Variants in CCSER1 observed in about 807,000 individuals in gnomAD.
The protein encoded by CCSER1 is coiled-coil serine rich protein 1.
Under a neutral mutation model 82.0 loss-of-function variants are expected in CCSER1, and 41 were observed. The observed-to-expected ratio is 0.50, with a 90% CI of 0.39 to 0.65. The LOEUF (loss-of-function observed/expected upper bound fraction) is 0.65. CCSER1 is among the 30% of genes least tolerant of loss of function. The probability of loss-of-function intolerance (pLI) is 0.00; values close to 1 mark genes in which losing one functional copy is unlikely to be tolerated. For missense variants in CCSER1, 1,119 were observed against 1,064.2 expected (o/e 1.05, Z -0.72); for synonymous variants, 414 against 383.9 (o/e 1.08, Z -0.92).
intron 9 of CCSER1, among the ~76,000 whole-genome samples, chr4:91,076,343 T>C (rs1362519661): frequency 1.4e-5 from 2 of 146,930 alleles, no homozygotes; most frequent in East Asian, 2.0e-4. Context: ...TTTTTTTTTT[T>C]CCACTAAATG....
chr4:91,257,814 AC>A (rs1284944775), intron 10 of CCSER1, among the ~76,000 whole-genome samples: 1 of 152,132 alleles, frequency 6.6e-6, no homozygotes, highest in Non-Finnish European at 1.5e-5. Context: ...CACATGAGCT[AC>A]AAATGTGCCA....
intron 7 of CCSER1, among the ~76,000 whole-genome samples, chr4:90,758,885 TA>T (rs1363825215): frequency 6.6e-6 from 1 of 152,210 alleles, no homozygotes; most frequent in African/African-American, 2.4e-5. Flanking sequence ...TGGTGATGGC[TA>T]AAGGGGATAA....
At chr4:91,490,930 A>C (rs1262509333) in intron 10 of CCSER1, among the ~76,000 whole-genome samples, 1 of 95,176 alleles carries the variant, frequency 1.1e-5, no homozygotes, top group Non-Finnish European at 2.1e-5. Flanking sequence ...ATATATATAA[A>C]ATATGCGTCT....
intron 5 of CCSER1, among the ~76,000 whole-genome samples, chr4:90,549,737 G>A (rs954320945): frequency 7.0e-6 from 1 of 142,350 alleles, no homozygotes; most frequent in Admixed American, 6.9e-5. Flanking sequence ...AGTAAGGGTT[G>A]GGGTACCAGG....
chr4:91,314,369 T>C (rs1388184376), intron 10 of CCSER1, among the ~76,000 whole-genome samples: 1 of 152,024 alleles, frequency 6.6e-6, no homozygotes, highest in Non-Finnish European at 1.5e-5. Flanking sequence ...TCTTCATGTA[T>C]CTAGGGAACC....
At chr4:90,599,881 C>T (rs1327101181) in intron 5 of CCSER1, among the ~76,000 whole-genome samples, 5 of 152,198 alleles carry the variant, frequency 3.3e-5, no homozygotes, top group Admixed American at 2.0e-4. Flanking sequence ...TTCATCCCTC[C>T]TGCTGTGGCT....
At chr4:91,477,705 A>G (rs915397665) in intron 10 of CCSER1, among the ~76,000 whole-genome samples, 8 of 151,816 alleles carry the variant, frequency 5.3e-5, no homozygotes, top group African/African-American at 1.4e-4. Flanking sequence ...TCCAAAGTGT[A>G]CTGAAAACTA....
chr4:90,416,971 T>C (rs147464986), intron 4 of CCSER1, among the ~76,000 whole-genome samples: 2,705 of 152,264 alleles, frequency 0.018, 48 homozygotes, highest in African/African-American at 0.036. Context: ...CACCACATGT[T>C]CTCACTTATA....
At chr4:90,687,943 C>T (rs1735119314) in intron 6 of CCSER1, among the ~76,000 whole-genome samples, 1 of 152,120 alleles carries the variant, frequency 6.6e-6, no homozygotes, top group African/African-American at 2.4e-5. Context: ...GTAGCCTGTC[C>T]TCATCCCAGT....
chr4:90,256,045 A>G (rs1723224828), intron 1 of CCSER1, among the ~76,000 whole-genome samples: 1 of 152,150 alleles, frequency 6.6e-6, no homozygotes, highest in South Asian at 2.1e-4. Flanking sequence ...ACTCTGCCAC[A>G]TTGTATCCAG....
intron 8 of CCSER1, among the ~76,000 whole-genome samples, chr4:90,906,638 A>C (rs918396176): frequency 2.6e-5 from 4 of 152,130 alleles, no homozygotes; most frequent in African/African-American, 9.7e-5. Context: ...TTTAAACCAT[A>C]GTGATTAAGT....
chr4:90,167,395 A>C (rs556042136), intron 1 of CCSER1, among the ~76,000 whole-genome samples: 1 of 152,142 alleles, frequency 6.6e-6, no homozygotes, highest in Admixed American at 6.6e-5. Context: ...ATGGCTAAAG[A>C]AAGATTATCC....
chr4:90,521,945 C>G (rs976752740), intron 5 of CCSER1, among the ~76,000 whole-genome samples: 1 of 152,086 alleles, frequency 6.6e-6, no homozygotes, highest in African/African-American at 2.4e-5. Context: ...GTTCAGTTTT[C>G]TTCATTGATC....
intron 1 of CCSER1, among the ~76,000 whole-genome samples, chr4:90,210,257 G>T (rs1237619572): frequency 6.6e-6 from 1 of 152,026 alleles, no homozygotes; most frequent in African/African-American, 2.4e-5. Context: ...CTGTTTAAAA[G>T]AATCAATGAT....
chr4:91,453,318 C>A (rs911063916), intron 10 of CCSER1, among the ~76,000 whole-genome samples: 6 of 151,972 alleles, frequency 3.9e-5, no homozygotes, highest in Non-Finnish European at 8.8e-5. Flanking sequence ...GAGAAAGTCA[C>A]CATGTTCATT....
At chr4:90,621,808 G>A (rs928214237) in intron 5 of CCSER1, among the ~76,000 whole-genome samples, 2 of 152,136 alleles carry the variant, frequency 1.3e-5, no homozygotes, top group Non-Finnish European at 2.9e-5. Flanking sequence ...CCTTTTTAAA[G>A]TTTGGAACTC....
intron 3 of CCSER1, among the ~76,000 whole-genome samples, chr4:90,376,864 A>G (rs922952576): frequency 6.6e-6 from 1 of 152,250 alleles, no homozygotes; most frequent in Non-Finnish European, 1.5e-5. Flanking sequence ...ATTTTTAAGG[A>G]TATTTGTACA....
chr4:90,527,145 A>G lies in CCSER1; in HGVS notation c.1724+58791A>G, dbSNP rs531784795. Reference sequence around the variant, plus strand: ...CTTCTGCACAGCAAAAGAAACTATCATCAGAGTGAGCAGGCAACCTACAGA... The same window carrying G: ...CTTCTGCACAGCAAAAGAAACTATCGTCAGAGTGAGCAGGCAACCTACAGA... On this transcript the variant is annotated intron_variant, in intron 5 of 10. Coordinates refer to ENST00000509176, the MANE Select transcript of CCSER1 (RefSeq NM_001145065.2). Among the ~76,000 whole-genome samples, 10 of 152,348 alleles carry G rather than the reference A, an allele frequency of 6.6e-5. No homozygotes were observed. The South Asian group carries it at 8.3e-4, about 13-fold the overall frequency.
intron 10 of CCSER1, among the ~76,000 whole-genome samples, chr4:91,487,682 A>T (rs1758293884): frequency 6.6e-6 from 1 of 152,100 alleles, no homozygotes; most frequent in Non-Finnish European, 1.5e-5. Flanking sequence ...CTATAATTTT[A>T]ATTTCCTTTA....
Sources: gnomAD v4.1 joint callset for allele counts (sites outside exome capture counted in the v4.1 genomes callset) on GRCh38, gnomAD v4.1.1 for gene constraint, MANE v1.5 for transcripts, NCBI Gene and HGNC (gene_info 2026-07-23, HGNC 2026-07-21) for gene names.